Variants in SLU7 observed in about 807,000 individuals in gnomAD.
SLU7 encodes the protein pre-mRNA-splicing factor SLU7.
Under a neutral mutation model 87.0 loss-of-function variants are expected in SLU7, and 60 were observed. The ratio of observed to expected loss-of-function variants is 0.69; its 90% CI spans 0.56 to 0.86. The LOEUF (loss-of-function observed/expected upper bound fraction) is 0.86. Ranked by LOEUF, SLU7 falls within the 40% of genes least tolerant of loss-of-function variation. SLU7 has a pLI of 0.00. For missense variants in SLU7, 507 were observed against 686.6 expected (o/e 0.74, Z 2.92); for synonymous variants, 197 against 222.0 (o/e 0.89, Z 1.00).
At position 160,405,033 on chromosome 5, in the gene SLU7, C is replaced by A. The variant is rs1764950646; in HGVS notation, c.1390G>T (p.Val464Phe). 1 of 1,608,736 alleles carries A rather than the reference C, an allele frequency of 6.2e-7. No individual in the cohort carries two copies. ...AAGAACCAAAGACAATTACTTACAA[C>A]AATCTCCTTCCCAGCTTCTCCAGTA... The part of the protein sequence containing the change: ...YCTGEAGKEI[V>F]NSEECIINEI... Residue 464 changes from valine to phenylalanine, a missense_variant and splice_region_variant, in exon 13 of 16, where the codon GTT becomes TTT. Transcript: ENST00000297151.
intron 3 of SLU7, 92 bp from the exon 4 acceptor site, chr5:160,414,071 ATTTC>A: frequency 2.4e-6 from 2 of 843,034 alleles, no homozygotes; most frequent in East Asian, 2.9e-5. Context: ...TAGGGAAATG[ATTTC>A]TTTGTTAAAA....
intron 4 of SLU7, 41 bp from the exon 5 acceptor site, chr5:160,413,661 T>C (rs760506988): frequency 7.0e-6 from 11 of 1,560,768 alleles, no homozygotes; most frequent in Non-Finnish European, 9.6e-6. Context: ...TAAGTTTTTA[T>C]GGCCCAAAGG....
At chr5:160,413,643 T>C (rs565577117) in intron 4 of SLU7, 23 bp from the exon 5 acceptor site, 2 of 1,592,448 alleles carry the variant, frequency 1.3e-6, no homozygotes, top group Middle Eastern at 1.7e-4. Flanking sequence ...TAAGATTTAA[T>C]CTTTTCCTAA....
intron 11 of SLU7, among the ~76,000 whole-genome samples, chr5:160,406,888 C>A (rs1260820932): frequency 2.0e-5 from 3 of 152,188 alleles, no homozygotes; most frequent in African/African-American, 7.2e-5. Flanking sequence ...TGCCCTTTTG[C>A]CACAGGGCTT....
intron 6 of SLU7, among the ~76,000 whole-genome samples, chr5:160,410,544 T>C (rs1765186773): frequency 6.6e-6 from 1 of 151,920 alleles, no homozygotes; most frequent in African/African-American, 2.4e-5. Context: ...GTTGTGCACA[T>C]GTACCCTAAA....
intron 12 of SLU7, 30 bp downstream of exon 12, chr5:160,406,438 G>T: frequency 6.5e-7 from 1 of 1,547,674 alleles, no homozygotes; most frequent in Non-Finnish European, 8.7e-7. Flanking sequence ...AACCAACAAG[G>T]ACACAAAATT....
chr5:160,413,681 T>C (rs2961949), intron 4 of SLU7, 61 bp from the exon 5 acceptor site: 1,047,030 of 1,440,816 alleles, frequency 0.73, 383,095 homozygotes, highest in Admixed American at 0.76. Flanking sequence ...GAAAACTTCA[T>C]ACAACTTTTA....
chr5:160,406,016 T>C (rs946828422), intron 12 of SLU7, among the ~76,000 whole-genome samples: 4 of 152,250 alleles, frequency 2.6e-5, no homozygotes, highest in African/African-American at 7.2e-5. Flanking sequence ...GATATAATGT[T>C]AATTTTCTGA....
chr5:160,415,237 T>C lies in SLU7; in HGVS notation c.58A>G (p.Met20Val). The C allele has an allele frequency of 6.2e-7, 1 of 1,611,058 alleles. No individual in the cohort carries two copies. Among genetic ancestry groups the C allele is most frequent in the Non-Finnish European group, 8.5e-7 (1 of 1,178,750 alleles). ...NAAPLSGSKEMSLEEPKKMTR... is the reference protein window; with the variant it reads ...NAAPLSGSKEVSLEEPKKMTR... Reference sequence around the variant, plus strand: ...ATCTTCTTTGGTTCTTCCAAACTCATTTCTTTGGACCCCGATAGGGGTGCA... The same window carrying C: ...ATCTTCTTTGGTTCTTCCAAACTCACTTCTTTGGACCCCGATAGGGGTGCA... The change falls in exon 2 of 16, where the codon ATG (methionine) becomes GTG (valine). Residue 20 changes from methionine to valine, a missense_variant. Physicochemically the swap from Met to Val is conservative, Grantham distance 21. This residue lies in a region of SLU7 where 33 missense variants were observed against 37.3 expected (regional missense o/e 0.88). Coordinates refer to ENST00000297151, the MANE Select transcript of SLU7 (RefSeq NM_006425.5).
chr5:160,414,014 TAAC>T (rs1561563041), intron 3 of SLU7, 35 bp from the exon 4 acceptor site: 1 of 1,266,580 alleles, frequency 7.9e-7, no homozygotes, highest in Non-Finnish European at 1.1e-6. Context: ...AAAAATGTCT[TAAC>T]CACGTAAGTT....
rs188280241 is a variant in SLU7 at position 160,402,333 on chromosome 5, G to C, written c.*952C>G. 6.6e-6 allele frequency: 1 copy of C among 152,078 alleles called. No homozygotes were observed. Among genetic ancestry groups the C allele is most frequent in the South Asian group, 2.1e-4 (1 of 4,822 alleles). The allele number at this position is 152,078 out of a possible 1,614,324, so 9.4% of individuals were successfully genotyped here. On this transcript the variant is annotated 3_prime_UTR_variant, in exon 16 of 16. Transcript: ENST00000297151. ...CCAGAATGGTAAAAGACCTACTACT[G>C]ATCAGTCAATATTGACCCAATGATG...
At chr5:160,409,824 T>C (rs546319615) in intron 6 of SLU7, among the ~76,000 whole-genome samples, 91 of 152,026 alleles carry the variant, frequency 6.0e-4, no homozygotes, top group Non-Finnish European at 1.1e-3. Context: ...GAGAGACAGA[T>C]AGGATAAGGG....
Position 160,402,740 on chromosome 5 carries a change from A to AG in SLU7, c.*544dup, listed in dbSNP as rs1263884905. 3.9e-5 allele frequency: 6 copies of AG among 152,266 alleles called. No individual in the cohort carries two copies. The highest frequency in any genetic ancestry group is 1.4e-4 in the African/African-American group (6 of 41,462). 9.4% of individuals were successfully genotyped at this position (152,266 alleles called of 1,614,324 possible). A position where few individuals can be genotyped will look rare whatever the true frequency, so the allele number is the denominator to read the frequency against. ...ACTCACATAAAACTGGAAATAGGCC[A>AG]GGCGCGGTGGCTCACGCCTGTAATC... On this transcript the variant is annotated 3_prime_UTR_variant, in exon 16 of 16. Coordinates refer to ENST00000297151, the MANE Select transcript of SLU7 (RefSeq NM_006425.5).
chr5:160,412,370 A>T (rs956989444), intron 6 of SLU7, 81 bp downstream of exon 6: 31 of 875,860 alleles, frequency 3.5e-5, no homozygotes, highest in Non-Finnish European at 5.6e-5. Context: ...CTGAAGAGCT[A>T]TAAAATGAAT....
intron 6 of SLU7, among the ~76,000 whole-genome samples, chr5:160,409,514 G>C (rs1765148016): frequency 6.6e-6 from 1 of 152,180 alleles, no homozygotes; most frequent in African/African-American, 2.4e-5. Context: ...TGGCTTTTCT[G>C]AATGATGGCT....
chr5:160,408,016 G>T lies in SLU7; in HGVS notation c.872C>A (p.Ala291Glu). 1.2e-6 allele frequency: 2 copies of T among 1,613,088 alleles called. No homozygotes were observed. Among genetic ancestry groups the T allele is most frequent in the South Asian group, 1.1e-5 (1 of 91,056 alleles). The change falls in exon 9 of 16, where the codon GCA becomes GAA. Residue 291 changes from alanine (A) to glutamate (E), a missense_variant. Physicochemically the swap from Ala to Glu is moderately radical, Grantham distance 107. Transcript: ENST00000297151. ...ATTGGCATAAGGATTCTCTCTCATT[G>T]CTCTAGTTTTTGGATCATAGTAGGC... ...NSAYYDPKTR[A>E]MRENPYANAG... is the part of the protein sequence containing the mutation.
Position 160,414,145 on chromosome 5 carries a change from T to A in SLU7, c.325-166A>T, listed in dbSNP as rs1765357654. On this transcript the variant is annotated intron_variant, in intron 3 of 15. Coordinates refer to ENST00000297151, the MANE Select transcript of SLU7 (RefSeq NM_006425.5). ...TGTGAAACTTTAAAGAGTTCAGGAGTGTAAAATTTATATAAGAAACACAAA... is the reference window on the plus strand; with the variant it reads ...TGTGAAACTTTAAAGAGTTCAGGAGAGTAAAATTTATATAAGAAACACAAA... 9 of 682,924 alleles carry A rather than the reference T, an allele frequency of 1.3e-5. No homozygotes were observed. In the South Asian group the frequency reaches 2.1e-4, roughly 16 times the overall value. The allele number at this position is 682,924 out of a possible 1,614,324, so 42.3% of individuals were successfully genotyped here.
chr5:160,407,832 A>C lies in SLU7; in HGVS notation c.918-19T>G. ...ACTCACTCTGTAAATACAAATAAAGAAAATGTTTCAGAGATTGATTTAAGG... is the reference window on the plus strand; with the variant it reads ...ACTCACTCTGTAAATACAAATAAAGCAAATGTTTCAGAGATTGATTTAAGG... On this transcript the variant is annotated intron_variant, in intron 9 of 15. Transcript: ENST00000297151. The surrounding 1 kb of genome is among the most constrained non-coding windows in gnomAD (Gnocchi z 4.2). The C allele has an allele frequency of 6.3e-7, 1 of 1,592,492 alleles. No homozygotes were observed. Among genetic ancestry groups the C allele is most frequent in the Non-Finnish European group, 8.6e-7 (1 of 1,162,180 alleles).
Position 160,407,049 on chromosome 5 carries a change from G to C in SLU7, c.1126-420C>G, listed in dbSNP as rs571231533. 3.7e-4 allele frequency among the ~76,000 whole-genome samples: 56 copies of C among 152,310 alleles called. No homozygotes were observed. The highest frequency in any genetic ancestry group is 1.2e-3 in the African/African-American group (50 of 41,578). On this transcript the variant is annotated intron_variant, in intron 11 of 15. Coordinates refer to ENST00000297151, the MANE Select transcript of SLU7 (RefSeq NM_006425.5). The surrounding 1 kb of genome is among the most constrained non-coding windows in gnomAD (Gnocchi z 4.2). Reference sequence around the variant, plus strand: ...GCACACTTTTTGCTGCCACTCTCTAGAACTCTGAGAATGCCATTTTAAAAA... The same window carrying C: ...GCACACTTTTTGCTGCCACTCTCTACAACTCTGAGAATGCCATTTTAAAAA...
Sources: allele counts gnomAD v4.1 joint callset (sites outside exome capture counted in the v4.1 genomes callset), GRCh38; gene constraint gnomAD v4.1.1; regional missense constraint gnomAD v4.1.1; non-coding constraint Gnocchi (gnomAD v3.1); transcripts MANE v1.5; gene names NCBI Gene and HGNC (gene_info 2026-07-23, HGNC 2026-07-21).